The following ZNF254 variants were observed in gnomAD, a reference collection of about 807,000 sequenced individuals.
ZNF254 encodes zinc finger protein 254, also known as CTD-2017D11.1.
In ZNF254, 10 loss-of-function variants were observed where a neutral mutation model predicts 12.4. The observed-to-expected ratio is 0.80, with a 90% CI of 0.50 to 1.36. The LOEUF is 1.36. Among genes scored for constraint, ZNF254 ranks in the 40% most tolerant of loss-of-function variants. ZNF254 has a pLI of 0.00. For missense variants in ZNF254, 996 were observed against 763.9 expected (o/e 1.30, Z -3.58); for synonymous variants, 305 against 253.4 (o/e 1.20, Z -1.93).
chr19:24,076,786 T>C (rs962224941), intron 2 of ZNF254, among the ~76,000 whole-genome samples: 1 of 152,234 alleles, frequency 6.6e-6, no homozygotes, highest in African/African-American at 2.4e-5. Context: ...CAAGTTTAAA[T>C]AGATACGCTT....
At chr19:24,035,162 T>G (rs1350858904) in intron 1 of ZNF254, among the ~76,000 whole-genome samples, 1 of 151,996 alleles carries the variant, frequency 6.6e-6, no homozygotes. Context: ...CTGGTTTTTT[T>G]GTTGTTGTTT....
chr19:24,052,443 C>A (rs889824394), intron 2 of ZNF254, among the ~76,000 whole-genome samples: 2 of 152,218 alleles, frequency 1.3e-5, no homozygotes, highest in Non-Finnish European at 2.9e-5. Flanking sequence ...GACCTTGTGA[C>A]ATATCTTTGC....
At position 24,127,903 on chromosome 19, in the gene ZNF254, T is replaced by A. The variant is rs767303474; in HGVS notation, c.1903T>A (p.Phe635Ile). The A allele has an allele frequency of 1.1e-5, 18 of 1,611,980 alleles. No individual in the cohort carries two copies. Among genetic ancestry groups the A allele is most frequent in the Non-Finnish European group, 2.5e-6 (3 of 1,179,258 alleles). ...TGEQPYKWEK[F>I]GKAFNRSSHL... ...AGAGCAACCCTACAAATGGGAAAAA[T>A]TTGGCAAAGCCTTTAATCGGTCCTC... The change falls in exon 4 of 4, where the codon TTT becomes ATT. Residue 635 changes from phenylalanine to isoleucine, a missense_variant. Transcript: ENST00000357002.
chr19:24,099,650 A>C (rs1346979647), intron 1 of ZNF254, among the ~76,000 whole-genome samples: 7 of 152,226 alleles, frequency 4.6e-5, no homozygotes, highest in African/African-American at 1.2e-4. Context: ...GTCATTGAAT[A>C]TAACCAGTTA....
chr19:24,099,084 C>A (rs543981953), intron 1 of ZNF254: 9 of 146,614 alleles, frequency 6.1e-5, no homozygotes, highest in Non-Finnish European at 8.9e-5. Flanking sequence ...GCAACCTCTG[C>A]CTCCTGGGTT....
chr19:24,051,766 C>T (rs979116837), intron 2 of ZNF254, among the ~76,000 whole-genome samples: 1 of 152,018 alleles, frequency 6.6e-6, no homozygotes, highest in Non-Finnish European at 1.5e-5. Context: ...CCTCTTCTAC[C>T]TGGGAACTGC....
intron 2 of ZNF254, among the ~76,000 whole-genome samples, chr19:24,068,031 T>TA (rs1057158185): frequency 9.4e-4 from 143 of 152,332 alleles, no homozygotes; most frequent in African/African-American, 3.3e-3. Context: ...TACATGTTGT[T>TA]ACATATCACT....
At chr19:24,113,320 A>C (rs1051190265) in intron 3 of ZNF254, among the ~76,000 whole-genome samples, 1 of 152,152 alleles carries the variant, frequency 6.6e-6, no homozygotes, top group South Asian at 2.1e-4. Flanking sequence ...GCACATCAAA[A>C]AGCTTATCCA....
intron 3 of ZNF254, among the ~76,000 whole-genome samples, chr19:24,111,126 C>T (rs911911348): frequency 3.1e-5 from 4 of 130,802 alleles, no homozygotes; most frequent in African/African-American, 1.1e-4. Flanking sequence ...CAACAGTCCA[C>T]AGAGTGTGAT....
chr19:24,109,532 C>G (rs1340008066), intron 3 of ZNF254, among the ~76,000 whole-genome samples: 1 of 151,956 alleles, frequency 6.6e-6, no homozygotes, highest in Non-Finnish European at 1.5e-5. Flanking sequence ...ATCGGCAATT[C>G]TGTTTGTATA....
intron 2 of ZNF254, chr19:24,079,769 G>C (rs1284355267): frequency 6.6e-6 from 1 of 152,200 alleles, no homozygotes; most frequent in Non-Finnish European, 1.5e-5. Context: ...TATCAGACAG[G>C]AGGTATAGCA....
intron 1 of ZNF254, among the ~76,000 whole-genome samples, chr19:24,044,744 C>G (rs1382338979): frequency 6.6e-6 from 1 of 152,072 alleles, no homozygotes; most frequent in Non-Finnish European, 1.5e-5. Context: ...TAAGTCAGAA[C>G]CAGTTGTCTT....
At position 24,102,430 on chromosome 19, in the gene ZNF254, T is replaced by TA. The variant is rs950711700; in HGVS notation, c.31-3500dup. Among the ~76,000 whole-genome samples, 525 of 144,946 alleles carry TA rather than the reference T, an allele frequency of 3.6e-3. 2 individuals carry two copies. Among genetic ancestry groups the TA allele is most frequent in the African/African-American group, 0.012 (467 of 39,572 alleles). On this transcript the variant is annotated intron_variant, in intron 1 of 3. Transcript: ENST00000357002. ...TTAGGTAAGCTTAAAAAAAGAAACATAAAAAAAAAATACTCCCCAGTGGTG... is the reference window on the plus strand; with the variant it reads ...TTAGGTAAGCTTAAAAAAAGAAACATAAAAAAAAAAATACTCCCCAGTGGTG...
intron 3 of ZNF254, among the ~76,000 whole-genome samples, chr19:24,116,034 T>A: frequency 6.6e-6 from 1 of 152,170 alleles, no homozygotes; most frequent in Non-Finnish European, 1.5e-5. Flanking sequence ...CCCACTCTCT[T>A]CTGGCTTGTA....
rs571193657 is a variant in ZNF254, at chr19:24,117,858, A to T, written c.254-8396A>T. On this transcript the variant is annotated intron_variant, in intron 3 of 3. Coordinates refer to ENST00000357002, the MANE Select transcript of ZNF254 (RefSeq NM_203282.4). The stretch of plus-strand genomic sequence containing the variant: ...CTTGGCTGCTCAAGATTTTTTTTTT[A>T]AAACTGAATCATATTCCATTCTATC... Among the ~76,000 whole-genome samples, 68 of 151,594 alleles carry T rather than the reference A, an allele frequency of 4.5e-4. No individual in the cohort carries two copies. The East Asian group carries it at 4.6e-3, about 10-fold the overall frequency.
chr19:24,037,640 G>A (rs768646217), intron 1 of ZNF254, among the ~76,000 whole-genome samples: 3 of 150,488 alleles, frequency 2.0e-5, no homozygotes, highest in East Asian at 2.0e-4. Flanking sequence ...ATGTAGTTTC[G>A]CTCTTGTCCC....
At chr19:24,046,371 T>TATATATATATA (rs1970381916) in intron 2 of ZNF254, 1 of 51,396 alleles carries the variant, frequency 1.9e-5, no homozygotes, top group African/African-American at 7.9e-5. Context: ...TTTTATTATT[T>TATATATATATA]TTTATATATA....
At position 24,087,193 on chromosome 19, in the gene ZNF254, G is replaced by C; in HGVS notation, c.-115G>C. 7.1e-7 allele frequency: 1 copy of C among 1,406,194 alleles called. No individual in the cohort carries two copies. Among genetic ancestry groups the C allele is most frequent in the Non-Finnish European group, 9.9e-7 (1 of 1,011,798 alleles). The allele number at this position is 1,406,194 out of a possible 1,614,324, so 87.1% of individuals were successfully genotyped here. A position where few individuals can be genotyped will look rare whatever the true frequency, so the allele number is the denominator to read the frequency against. On this transcript the variant is annotated 5_prime_UTR_variant, in exon 1 of 4. Coordinates refer to ENST00000357002, the MANE Select transcript of ZNF254 (RefSeq NM_203282.4). ...GCTTCCGGGATATGGCGGGGCCTTT[G>C]TCTCTCGCTGTCGCCGGAGTCCCAG...
intron 2 of ZNF254, 63 bp downstream of exon 2, chr19:24,106,129 GT>G: frequency 6.7e-7 from 1 of 1,493,262 alleles, no homozygotes; most frequent in South Asian, 1.2e-5. Context: ...TCTTTAGAAT[GT>G]TTTCTGGTAA....
Sources: allele counts gnomAD v4.1 joint callset (sites outside exome capture counted in the v4.1 genomes callset), GRCh38; gene constraint gnomAD v4.1.1; transcripts MANE v1.5; gene names NCBI Gene and HGNC (gene_info 2026-07-23, HGNC 2026-07-21).